The following LPCAT3 variants were observed in gnomAD, a reference collection of about 807,000 sequenced individuals.
The protein encoded by LPCAT3 is lysophosphatidylcholine acyltransferase 3.
Under a neutral mutation model 63.4 loss-of-function variants are expected in LPCAT3, and 21 were observed. That is an observed-to-expected ratio of 0.33 (90% CI 0.23 to 0.48). The LOEUF (loss-of-function observed/expected upper bound fraction) is 0.48, where lower values mean the gene tolerates loss of function less well. LPCAT3 is among the 20% of genes least tolerant of loss of function. The pLI, the probability that LPCAT3 is intolerant of heterozygous loss-of-function variation, is 0.99. For missense variants in LPCAT3, 451 were observed against 590.6 expected (o/e 0.76, Z 2.45); for synonymous variants, 242 against 227.5 (o/e 1.06, Z -0.58).
intron 1 of LPCAT3, among the ~76,000 whole-genome samples, chr12:7,010,466 G>C (rs1053659790): frequency 6.6e-6 from 1 of 152,180 alleles, no homozygotes; most frequent in Non-Finnish European, 1.5e-5. Flanking sequence ...GCCCAGGCTG[G>C]TGCAGTGATG....
intron 1 of LPCAT3, among the ~76,000 whole-genome samples, chr12:7,001,093 C>T (rs1029771159): frequency 1.1e-4 from 16 of 151,990 alleles, no homozygotes; most frequent in Admixed American, 1.0e-3. Flanking sequence ...AAATTTTGGC[C>T]TTTGCCCGCT....
intron 1 of LPCAT3, among the ~76,000 whole-genome samples, chr12:7,009,159 T>C (rs1159123290): frequency 6.6e-6 from 1 of 152,168 alleles, no homozygotes; most frequent in East Asian, 1.9e-4. Context: ...CCTCCTGGGT[T>C]CCAGCGATTA....
intron 1 of LPCAT3, among the ~76,000 whole-genome samples, chr12:7,001,662 G>A (rs929900672): frequency 6.6e-6 from 1 of 152,096 alleles, no homozygotes; most frequent in East Asian, 1.9e-4. Flanking sequence ...GTGGTACTTC[G>A]GAAACAAACT....
chr12:6,991,904 G>T (rs1449904592), intron 1 of LPCAT3, among the ~76,000 whole-genome samples: 1 of 152,004 alleles, frequency 6.6e-6, no homozygotes, highest in Non-Finnish European at 1.5e-5. Flanking sequence ...AGTTTAAAAA[G>T]ATGTACTCAG....
rs1555153997 is a variant in LPCAT3 at position 6,981,082 on chromosome 12, C to T, written c.599G>A (p.Gly200Glu). The change falls in exon 6 of 13, where the codon GGG becomes GAG. Residue 200 changes from glycine to glutamate, a missense_variant. Gly to Glu is a moderately conservative substitution (Grantham distance 98). This residue lies in a region of LPCAT3 where 304 missense variants were observed against 390.8 expected (regional missense o/e 0.78). Transcript: ENST00000261407. ...GTAGTGATTCATTGAGAACTGGGGC[C>T]CTACCAAGAAGGCCCCATAGAAGTA... ...FSYFYGAFLV[G>E]PQFSMNHYMK... 6.2e-7 allele frequency: 1 copy of T among 1,613,838 alleles called. No individual in the cohort carries two copies. The highest frequency in any genetic ancestry group is 1.3e-5 in the African/African-American group (1 of 74,908).
intron 6 of LPCAT3, chr12:6,980,070 C>T: frequency 7.1e-6 from 1 of 141,618 alleles, no homozygotes; most frequent in Non-Finnish European, 1.5e-5. Context: ...TTTCTAGAGT[C>T]AGGGCCTTGC....
At position 6,981,610 on chromosome 12, in the gene LPCAT3, G is replaced by A. The variant is rs200537873; in HGVS notation, c.483C>T (p.Asp161=). The A allele has an allele frequency of 4.7e-4, 761 of 1,612,662 alleles. No homozygotes were observed. Among genetic ancestry groups the A allele is most frequent in the South Asian group, 6.2e-4 (56 of 91,034 alleles). Residue 161 remains aspartate (D), a synonymous_variant, in exon 5 of 13, where the codon GAC becomes GAT. Coordinates refer to ENST00000261407, the MANE Select transcript of LPCAT3 (RefSeq NM_005768.6). The stretch of plus-strand genomic sequence containing the variant: ...GGGTACTTACCTGATCTTTCCCTCC[G>A]TCAAAGTAGTCAACAGCCAAACCTG... ...KLIGLAVDYF[D]GGKDQNSLSS... is the part of the protein sequence containing the mutation.
chr12:6,981,451 C>T, intron 5 of LPCAT3, 144 bp downstream of exon 5: 2 of 852,112 alleles, frequency 2.3e-6, no homozygotes, highest in Non-Finnish European at 4.0e-6. Context: ...GATCCTTGCT[C>T]AGTGCTATCT....
rs1591560543 is a variant in LPCAT3, at chr12:7,016,938, T to C, written c.151+1336A>G. Reference sequence around the variant, plus strand: ...GGAAGAAAGGAAGATCTTGGTTTGATATGTAATAGGAAAGTAACAATGCTA... The same window carrying C: ...GGAAGAAAGGAAGATCTTGGTTTGACATGTAATAGGAAAGTAACAATGCTA... On this transcript the variant is annotated intron_variant, in intron 1 of 12. Coordinates refer to ENST00000261407, the MANE Select transcript of LPCAT3 (RefSeq NM_005768.6). 2.6e-5 allele frequency among the ~76,000 whole-genome samples: 4 copies of C among 152,342 alleles called. No individual in the cohort carries two copies. The East Asian group carries it at 7.7e-4, about 29-fold the overall frequency.
intron 1 of LPCAT3, chr12:6,988,514 C>G (rs1268419865): frequency 1.3e-5 from 2 of 152,192 alleles, no homozygotes; most frequent in African/African-American, 4.8e-5. Flanking sequence ...GGGTGTGACC[C>G]TACAAGATGT....
At chr12:6,981,455 GCTATCTGAA>G in intron 5 of LPCAT3, 131 bp downstream of exon 5, 1 of 875,338 alleles carries the variant, frequency 1.1e-6, no homozygotes, top group Non-Finnish European at 1.9e-6. Flanking sequence ...CTTGCTCAGT[GCTATCTGAA>G]AGGGAGATTG....
intron 1 of LPCAT3, among the ~76,000 whole-genome samples, chr12:7,002,838 A>G (rs1284593393): frequency 2.6e-5 from 4 of 152,038 alleles, no homozygotes; most frequent in Admixed American, 2.6e-4. Flanking sequence ...GTGAAACCCC[A>G]TCTCTACTAA....
chr12:7,005,776 A>G (rs1330437347), intron 1 of LPCAT3, among the ~76,000 whole-genome samples: 1 of 152,196 alleles, frequency 6.6e-6, no homozygotes, highest in African/African-American at 2.4e-5. Context: ...AAACTGGGTT[A>G]TCTTTTTATT....
chr12:6,990,104 G>C (rs1340490969), intron 1 of LPCAT3, among the ~76,000 whole-genome samples: 2 of 151,764 alleles, frequency 1.3e-5, no homozygotes, highest in Non-Finnish European at 1.5e-5. Context: ...CTGAGTCTGG[G>C]GAGACAGAAG....
chr12:6,983,505 A>G lies in LPCAT3; in HGVS notation c.186T>C (p.Leu62=). The G allele has an allele frequency of 6.2e-7, 1 of 1,612,652 alleles. No homozygotes were observed. The highest frequency in any genetic ancestry group is 8.5e-7 in the Non-Finnish European group (1 of 1,178,708). Residue 62 remains leucine (L), a synonymous_variant, in exon 2 of 13, where the codon CTT becomes CTC. Transcript: ENST00000261407. ...GGATGAGGTAGGTCTCCTTGTAGAA[A>G]AGGTAATGCCGATAAAACAAAGCAA... The part of the protein sequence containing the change: ...YPFALFYRHY[L]FYKETYLIHL...
intron 1 of LPCAT3, among the ~76,000 whole-genome samples, chr12:6,996,662 T>G (rs1946638172): frequency 6.6e-6 from 1 of 152,236 alleles, no homozygotes; most frequent in African/African-American, 2.4e-5. Context: ...TGGTTAGCAT[T>G]GCATTAGGCA....
intron 9 of LPCAT3, 109 bp downstream of exon 9, chr12:6,978,232 G>A: frequency 1.5e-6 from 2 of 1,320,658 alleles, no homozygotes; most frequent in South Asian, 1.4e-5. Flanking sequence ...AGGGGGTTCT[G>A]CCCAGATGGG....
At chr12:6,985,231 A>T (rs1946510582) in intron 1 of LPCAT3, among the ~76,000 whole-genome samples, 1 of 151,856 alleles carries the variant, frequency 6.6e-6, no homozygotes, top group African/African-American at 2.4e-5. Context: ...CTCTACTAAA[A>T]ATACAAAAAA....
rs1326598201 is a variant in LPCAT3 at position 7,018,464 on chromosome 12, G to C, written c.-40C>G. ...CCCCACAGGGACCCCCCAGCTCCGCGCGCCCCGAATGCGGGCAAAACGCTA... is the reference window on the plus strand; with the variant it reads ...CCCCACAGGGACCCCCCAGCTCCGCCCGCCCCGAATGCGGGCAAAACGCTA... On this transcript the variant is annotated 5_prime_UTR_variant, in exon 1 of 13. Transcript: ENST00000261407. This position sits in a 1 kb window ranked among gnomAD's most constrained non-coding sequence, Gnocchi z 4.9. 1 of 1,525,272 alleles carries C rather than the reference G, an allele frequency of 6.6e-7. No homozygotes were observed. Among genetic ancestry groups the C allele is most frequent in the Non-Finnish European group, 8.9e-7 (1 of 1,128,944 alleles). The allele number at this position is 1,525,272 out of a possible 1,614,324, so 94.5% of individuals were successfully genotyped here.
Sources: gnomAD v4.1 joint callset for allele counts (sites outside exome capture counted in the v4.1 genomes callset) on GRCh38, gnomAD v4.1.1 for gene constraint, gnomAD v4.1.1 regional missense constraint, Gnocchi (gnomAD v3.1) non-coding constraint, MANE v1.5 for transcripts, NCBI Gene and HGNC (gene_info 2026-07-23, HGNC 2026-07-21) for gene names.